Variants in NOL4 observed in about 807,000 individuals in gnomAD.
NOL4 encodes the protein cancer/testis antigen 125.
In NOL4, 17 loss-of-function variants were observed where a neutral mutation model predicts 75.9. The ratio of observed to expected loss-of-function variants is 0.22; its 90% CI spans 0.15 to 0.34. The LOEUF is 0.34. Ranked by LOEUF, NOL4 falls within the 10% of genes least tolerant of loss-of-function variation. The probability of loss-of-function intolerance (pLI) is 1.00; values close to 1 mark genes in which losing one functional copy is unlikely to be tolerated. For synonymous variants in NOL4, 292 were observed against 289.9 expected (o/e 1.01, Z -0.07); for missense variants, 614 against 793.5 (o/e 0.77, Z 2.72).
chr18:34,173,967 A>G (rs574558016), intron 1 of NOL4, among the ~76,000 whole-genome samples: 1 of 152,314 alleles, frequency 6.6e-6, no homozygotes, highest in East Asian at 1.9e-4. Context: ...GGAGCCTCCA[A>G]TTAATGCCGA....
chr18:34,059,509 A>T (rs1178171243), intron 5 of NOL4, among the ~76,000 whole-genome samples: 1 of 152,042 alleles, frequency 6.6e-6, no homozygotes, highest in African/African-American at 2.4e-5. Context: ...ATGCACCCAG[A>T]TTGATAGATT....
chr18:33,852,792 T>G lies in NOL4; in HGVS notation c.*50A>C, dbSNP rs1389475876. The G allele has an allele frequency of 1.3e-6, 2 of 1,496,458 alleles. No individual in the cohort carries two copies. The highest frequency in any genetic ancestry group is 3.5e-5 in the Admixed American group (2 of 56,426). The allele number at this position is 1,496,458 out of a possible 1,614,324, so 92.7% of individuals were successfully genotyped here. A position where few individuals can be genotyped will look rare whatever the true frequency, so the allele number is the denominator to read the frequency against. On this transcript the variant is annotated 3_prime_UTR_variant, in exon 11 of 11. Coordinates refer to ENST00000261592, the MANE Select transcript of NOL4 (RefSeq NM_003787.5). The stretch of plus-strand genomic sequence containing the variant: ...TCTCTGTTGGGAAATCAAAATGTCA[T>G]TAGTGGAAACTGCAAATTTAGACCT...
intron 1 of NOL4, among the ~76,000 whole-genome samples, chr18:34,207,208 T>C (rs942508936): frequency 5.3e-5 from 8 of 152,226 alleles, no homozygotes; most frequent in Admixed American, 1.3e-4. Context: ...TCTTCTGATT[T>C]TTTTCTTTTT....
chr18:34,104,202 A>G, intron 3 of NOL4, 43 bp from the exon 4 acceptor site: 1 of 1,089,388 alleles, frequency 9.2e-7, no homozygotes, highest in South Asian at 1.3e-5. Context: ...GTAATACTGC[A>G]TTCTACCTGT....
chr18:34,038,848 C>T (rs186350183), intron 5 of NOL4, among the ~76,000 whole-genome samples: 2 of 152,044 alleles, frequency 1.3e-5, no homozygotes, highest in East Asian at 3.9e-4. Context: ...TGACTATGAT[C>T]AGCAACAGTA....
intron 1 of NOL4, among the ~76,000 whole-genome samples, chr18:34,209,668 T>C (rs917583749): frequency 6.6e-6 from 1 of 151,976 alleles, no homozygotes; most frequent in South Asian, 2.1e-4. Context: ...TCACAAGAAA[T>C]TGAAGTAGTA....
intron 5 of NOL4, among the ~76,000 whole-genome samples, chr18:34,035,851 T>C (rs1191300833): frequency 6.6e-6 from 1 of 152,064 alleles, no homozygotes; most frequent in African/African-American, 2.4e-5. Flanking sequence ...TGAACAACTA[T>C]ATGCTAACAA....
At chr18:33,970,905 G>A (rs1030467314) in intron 6 of NOL4, among the ~76,000 whole-genome samples, 4 of 152,120 alleles carry the variant, frequency 2.6e-5, no homozygotes, top group Middle Eastern at 3.4e-3. Context: ...AGGTGTTCTC[G>A]GGCCTGCTAT....
chr18:33,910,319 G>A (rs1049504091), intron 9 of NOL4, among the ~76,000 whole-genome samples: 1 of 152,092 alleles, frequency 6.6e-6, no homozygotes, highest in Non-Finnish European at 1.5e-5. Flanking sequence ...GGACTCTAGG[G>A]TTTCAAATCA....
intron 9 of NOL4, among the ~76,000 whole-genome samples, chr18:33,918,583 T>C (rs1599864301): frequency 6.6e-6 from 1 of 152,170 alleles, no homozygotes; most frequent in Non-Finnish European, 1.5e-5. Context: ...AAGAAACGTG[T>C]AAAGGAGGCA....
At chr18:34,197,682 A>G (rs1386186190) in intron 1 of NOL4, among the ~76,000 whole-genome samples, 1 of 151,814 alleles carries the variant, frequency 6.6e-6, no homozygotes, top group Non-Finnish European at 1.5e-5. Context: ...TGAAGGATGT[A>G]TAGAAGTTAA....
At chr18:33,887,868 C>T (rs944590215) in intron 9 of NOL4, among the ~76,000 whole-genome samples, 5 of 152,000 alleles carry the variant, frequency 3.3e-5, no homozygotes, top group African/African-American at 1.2e-4. Flanking sequence ...TGAATAGTGC[C>T]GCAATAAACA....
chr18:33,897,601 G>T (rs549182073), intron 9 of NOL4, among the ~76,000 whole-genome samples: 8 of 152,042 alleles, frequency 5.3e-5, no homozygotes, highest in African/African-American at 1.9e-4. Context: ...CAGACACTGG[G>T]TTCTACTTGA....
chr18:33,945,018 A>C (rs149917999), intron 8 of NOL4, among the ~76,000 whole-genome samples: 95 of 152,040 alleles, frequency 6.2e-4, no homozygotes, highest in African/African-American at 1.9e-3. Flanking sequence ...TTATAGGAAA[A>C]ATGGGAATAA....
At chr18:34,020,457 T>A (rs1303141231) in intron 5 of NOL4, among the ~76,000 whole-genome samples, 1 of 152,176 alleles carries the variant, frequency 6.6e-6, no homozygotes, top group African/African-American at 2.4e-5. Context: ...ATCTAAAGCA[T>A]TAAAAGTCCT....
chr18:33,987,506 T>C (rs1166331333), intron 6 of NOL4, among the ~76,000 whole-genome samples: 1 of 152,122 alleles, frequency 6.6e-6, no homozygotes, highest in Admixed American at 6.6e-5. Flanking sequence ...GTTTTTGTGG[T>C]CTTAAGCTGG....
chr18:33,943,877 T>C (rs916985975), intron 8 of NOL4, among the ~76,000 whole-genome samples: 3 of 151,870 alleles, frequency 2.0e-5, no homozygotes, highest in Non-Finnish European at 4.4e-5. Flanking sequence ...ATAGAAAGAA[T>C]TAATTCTCCA....
chr18:33,884,846 C>T (rs2064540581), intron 9 of NOL4, among the ~76,000 whole-genome samples: 1 of 152,062 alleles, frequency 6.6e-6, no homozygotes, highest in African/African-American at 2.4e-5. Context: ...ATTGAGAATA[C>T]TATGACCATC....
chr18:33,888,979 C>G (rs767459350), intron 9 of NOL4, among the ~76,000 whole-genome samples: 12 of 151,814 alleles, frequency 7.9e-5, no homozygotes, highest in African/African-American at 2.9e-4. Context: ...CAAGAGCAAA[C>G]AAATCAAAAG....
Sources: gnomAD v4.1 joint callset for allele counts (sites outside exome capture counted in the v4.1 genomes callset) on GRCh38, gnomAD v4.1.1 for gene constraint, MANE v1.5 for transcripts, NCBI Gene and HGNC (gene_info 2026-07-23, HGNC 2026-07-21) for gene names.